The following XKR9 variants were observed in gnomAD, a reference collection of about 807,000 sequenced individuals.
The protein encoded by XKR9 is XK-related protein 9.
A neutral mutation model predicts 32.0 loss-of-function variants in XKR9; 32 were observed. The ratio of observed to expected loss-of-function variants is 1.00; its 90% confidence interval spans 0.76 to 1.34. The LOEUF (loss-of-function observed/expected upper bound fraction) is 1.34. Among genes scored for constraint, XKR9 ranks in the 40% most tolerant of loss-of-function variants. XKR9 has a pLI of 0.00. For missense variants in XKR9, 546 were observed against 429.7 expected (o/e 1.27, Z -2.39); for synonymous variants, 168 against 143.4 (o/e 1.17, Z -1.22).
At chr8:71,024,086 G>T in the XKR9 span, among the ~76,000 whole-genome samples, 1 of 152,212 alleles carries the variant, frequency 6.6e-6, no homozygotes, top group Non-Finnish European at 1.5e-5. Flanking sequence ...TGGCGTACAT[G>T]GGAACAGGTG....
chr8:71,028,634 C>A, the XKR9 span, among the ~76,000 whole-genome samples: 1 of 151,972 alleles, frequency 6.6e-6, no homozygotes, highest in African/African-American at 2.4e-5. Flanking sequence ...AATGTCCCAC[C>A]ATAAAAAATG....
At chr8:70,871,067 T>C in the XKR9 span, among the ~76,000 whole-genome samples, 1 of 152,198 alleles carries the variant, frequency 6.6e-6, no homozygotes, top group Admixed American at 6.5e-5. Flanking sequence ...TTATATCTTA[T>C]CTTTTACTTG....
In XKR9 at chr8:70,755,873, C is replaced by T. The variant is rs986534926; in HGVS notation, n.353-33466C>T. Among the ~76,000 whole-genome samples the T allele has an allele frequency of 4.0e-4, 59 of 148,378 alleles. 1 individual carries two copies. Among genetic ancestry groups the T allele is most frequent in the Middle Eastern group, 3.4e-3 (1 of 294 alleles). On this transcript the variant is annotated intron_variant and non_coding_transcript_variant, in intron 2 of 3. Transcript: ENST00000520273. Reference sequence around the variant, plus strand: ...CATGTATACATATGTAACTAATCTGCACATTGTGCACATGTACCCTAAAAC... The same window carrying T: ...CATGTATACATATGTAACTAATCTGTACATTGTGCACATGTACCCTAAAAC...
At chr8:70,769,426 C>G (rs1807423005) in intron 2 of XKR9, among the ~76,000 whole-genome samples, 1 of 151,946 alleles carries the variant, frequency 6.6e-6, no homozygotes, top group Non-Finnish European at 1.5e-5. Flanking sequence ...TGTGGTTGCT[C>G]TTCTTGAGGA....
chr8:70,711,152 G>A (rs568054606), intron 4 of XKR9, among the ~76,000 whole-genome samples: 8 of 152,262 alleles, frequency 5.3e-5, no homozygotes, highest in African/African-American at 1.9e-4. Flanking sequence ...CAGAGAAAGG[G>A]GGACTGTTAT....
chr8:70,779,164 G>T (rs1482556528), intron 2 of XKR9, among the ~76,000 whole-genome samples: 1 of 152,168 alleles, frequency 6.6e-6, no homozygotes, highest in Non-Finnish European at 1.5e-5. Flanking sequence ...ATGAATGACT[G>T]TTGAATTTTG....
the XKR9 span, among the ~76,000 whole-genome samples, chr8:70,966,103 T>C: frequency 6.6e-6 from 1 of 152,212 alleles, no homozygotes; most frequent in African/African-American, 2.4e-5. Flanking sequence ...CCAGAGGTTC[T>C]GGTATGTTGT....
chr8:71,000,156 G>A, the XKR9 span, among the ~76,000 whole-genome samples: 1 of 152,192 alleles, frequency 6.6e-6, no homozygotes, highest in Non-Finnish European at 1.5e-5. Flanking sequence ...GCTCTAGATA[G>A]AGAAAACTGA....
chr8:70,993,664 T>TCCTTCCTTCCTC, the XKR9 span, among the ~76,000 whole-genome samples: 1 of 130,352 alleles, frequency 7.7e-6, no homozygotes, highest in Non-Finnish European at 1.7e-5. Context: ...CTTCCTTCCT[T>TCCTTCCTTCCTC]CCTTCCTCCC....
the XKR9 span, among the ~76,000 whole-genome samples, chr8:71,051,365 T>A: frequency 4.6e-5 from 7 of 152,236 alleles, no homozygotes; most frequent in Non-Finnish European, 7.3e-5. Context: ...TTTTTTTCAA[T>A]TAAAAACTCA....
the XKR9 span, among the ~76,000 whole-genome samples, chr8:71,008,911 T>G: frequency 6.6e-6 from 1 of 152,196 alleles, no homozygotes; most frequent in Non-Finnish European, 1.5e-5. Context: ...TCAAGTGAGC[T>G]GCCTGCCTCA....
chr8:70,990,242 A>G, the XKR9 span, among the ~76,000 whole-genome samples: 7 of 152,202 alleles, frequency 4.6e-5, no homozygotes, highest in Non-Finnish European at 8.8e-5. Context: ...TCCATGCTAG[A>G]TGCTCTAATT....
the XKR9 span, among the ~76,000 whole-genome samples, chr8:70,910,723 G>T: frequency 6.6e-6 from 1 of 152,168 alleles, no homozygotes; most frequent in Non-Finnish European, 1.5e-5. Flanking sequence ...AGTTTCAGTG[G>T]CTTAGCTGGC....
the XKR9 span, among the ~76,000 whole-genome samples, chr8:70,977,304 C>G: frequency 1.7e-3 from 253 of 152,172 alleles, 1 homozygote; most frequent in African/African-American, 5.8e-3. Flanking sequence ...TTTGCTCTTG[C>G]TTCTCTAGTT....
the XKR9 span, among the ~76,000 whole-genome samples, chr8:71,054,971 T>A: frequency 6.6e-6 from 1 of 152,210 alleles, no homozygotes; most frequent in Non-Finnish European, 1.5e-5. Context: ...GCTAAAGTAT[T>A]TGACTTCCTT....
rs1308626483 is a variant in XKR9, at chr8:70,735,121, T to G, written c.*697T>G. The G allele has an allele frequency of 6.6e-6, 1 of 152,080 alleles. No individual in the cohort carries two copies. Among genetic ancestry groups the G allele is most frequent in the East Asian group, 1.9e-4 (1 of 5,202 alleles). The allele number at this position is 152,080 out of a possible 1,614,324, so 9.4% of individuals were successfully genotyped here. On this transcript the variant is annotated 3_prime_UTR_variant, in exon 5 of 5. Transcript: ENST00000408926. ...TTTTTAAAAAATTATGGTAAAAACA[T>G]ATAAAATTTACCATCTTAATCACTT...
chr8:70,904,752 C>T, the XKR9 span, among the ~76,000 whole-genome samples: 3 of 152,184 alleles, frequency 2.0e-5, no homozygotes, highest in African/African-American at 7.2e-5. Context: ...TTTGGAGTGG[C>T]TGGTACTGGT....
At chr8:70,671,048 T>C (rs558393019) in intron 1 of XKR9, among the ~76,000 whole-genome samples, 24 of 152,320 alleles carry the variant, frequency 1.6e-4, no homozygotes, top group African/African-American at 5.5e-4. Flanking sequence ...AACTTACTTA[T>C]TTACTTACAG....
At chr8:70,948,021 GA>G in the XKR9 span, among the ~76,000 whole-genome samples, 1 of 152,166 alleles carries the variant, frequency 6.6e-6, no homozygotes, top group Admixed American at 6.5e-5. Context: ...CCCCTGGCAA[GA>G]TAATTTTACA....
Sources: allele counts gnomAD v4.1 joint callset (sites outside exome capture counted in the v4.1 genomes callset), GRCh38; gene constraint gnomAD v4.1.1; transcripts MANE v1.5; gene names NCBI Gene and HGNC (gene_info 2026-07-23, HGNC 2026-07-21).